Variants in DLG2 observed in about 807,000 individuals in gnomAD.
DLG2 encodes the protein disks large homolog 2.
Under a neutral mutation model 132.5 loss-of-function variants are expected in DLG2, and 45 were observed. That is an observed-to-expected ratio of 0.34 (90% CI 0.27 to 0.44). The LOEUF (loss-of-function observed/expected upper bound fraction) is 0.44. Among genes scored for constraint, DLG2 ranks in the 20% least tolerant of loss-of-function variants. The pLI, the probability that DLG2 is intolerant of heterozygous loss-of-function variation, is 1.00. For missense variants in DLG2, 1,045 were observed against 1,196.9 expected (o/e 0.87, Z 1.87); for synonymous variants, 424 against 419.6 (o/e 1.01, Z -0.13).
At position 85,250,917 on chromosome 11, in the gene DLG2, C is replaced by T. The variant is rs552220275; in HGVS notation, c.186+34303G>A. Among the ~76,000 whole-genome samples, 4 of 152,262 alleles carry T rather than the reference C, an allele frequency of 2.6e-5. No homozygotes were observed. In the South Asian group the frequency reaches 8.3e-4, roughly 32 times the overall value. ...TTATTGTGTATTTTTATTCTGACTTCTCCTCCATTATATTTTCCTTGTACA... is the reference window on the plus strand; with the variant it reads ...TTATTGTGTATTTTTATTCTGACTTTTCCTCCATTATATTTTCCTTGTACA... On this transcript the variant is annotated intron_variant, in intron 4 of 27. Transcript: ENST00000376104.
chr11:85,105,607 T>C (rs978893444), intron 6 of DLG2, among the ~76,000 whole-genome samples: 1 of 151,992 alleles, frequency 6.6e-6, no homozygotes, highest in African/African-American at 2.4e-5. Flanking sequence ...CTAATCCCAC[T>C]GCCCACCAAT....
intron 3 of DLG2, chr11:85,452,219 C>T (rs1485314702): frequency 6.6e-6 from 1 of 151,372 alleles, no homozygotes; most frequent in Non-Finnish European, 1.5e-5. Flanking sequence ...GAAAAACAAA[C>T]ATCTTGGGAA....
At chr11:84,504,273 T>C (rs967987852) in intron 7 of DLG2, among the ~76,000 whole-genome samples, 3 of 152,146 alleles carry the variant, frequency 2.0e-5, no homozygotes, top group Non-Finnish European at 4.4e-5. Context: ...AGGGGTGAAA[T>C]GTTTCAACAA....
At chr11:84,677,529 G>A (rs1009516261) in intron 6 of DLG2, among the ~76,000 whole-genome samples, 5 of 151,998 alleles carry the variant, frequency 3.3e-5, no homozygotes, top group African/African-American at 1.2e-4. Context: ...GAATAGCCCT[G>A]CACAGAATCA....
At chr11:85,410,005 T>C (rs2089168137) in intron 3 of DLG2, among the ~76,000 whole-genome samples, 2 of 152,024 alleles carry the variant, frequency 1.3e-5, no homozygotes, top group South Asian at 4.1e-4. Context: ...ATGTTTACAG[T>C]GGTGGGTCCA....
chr11:83,490,980 T>C (rs546085497), intron 21 of DLG2, among the ~76,000 whole-genome samples: 1 of 152,096 alleles, frequency 6.6e-6, no homozygotes, highest in South Asian at 2.1e-4. Flanking sequence ...AGGTAAAATA[T>C]ATTCATAATT....
At chr11:85,554,650 A>C (rs1462222786) in intron 3 of DLG2, among the ~76,000 whole-genome samples, 1 of 151,910 alleles carries the variant, frequency 6.6e-6, no homozygotes, top group Non-Finnish European at 1.5e-5. Context: ...TGTAAAACTA[A>C]TGAAAGCCCA....
intron 6 of DLG2, among the ~76,000 whole-genome samples, chr11:84,766,743 G>T (rs535126976): frequency 4.6e-5 from 7 of 152,112 alleles, no homozygotes; most frequent in African/African-American, 1.7e-4. Context: ...AATTAGTAGG[G>T]GAGGAAAGAT....
At chr11:84,800,077 A>G (rs982399441) in intron 6 of DLG2, among the ~76,000 whole-genome samples, 3 of 152,200 alleles carry the variant, frequency 2.0e-5, no homozygotes, top group Non-Finnish European at 4.4e-5. Flanking sequence ...TGGATATCAA[A>G]GGATCAGGTT....
intron 15 of DLG2, among the ~76,000 whole-genome samples, chr11:83,876,617 T>C (rs1213840728): frequency 6.6e-6 from 1 of 152,098 alleles, no homozygotes; most frequent in African/African-American, 2.4e-5. Context: ...CTAAGGTAGA[T>C]ATAAGTATTC....
At chr11:83,885,142 C>A (rs190212258) in intron 15 of DLG2, among the ~76,000 whole-genome samples, 3 of 152,166 alleles carry the variant, frequency 2.0e-5, no homozygotes, top group Admixed American at 2.0e-4. Context: ...GAGCATCAAA[C>A]TACTCCAAGC....
At chr11:84,529,116 A>G (rs1476604925) in intron 7 of DLG2, among the ~76,000 whole-genome samples, 1 of 152,160 alleles carries the variant, frequency 6.6e-6, no homozygotes. Context: ...ATTGGTGTTG[A>G]AGGAGAGATA....
In DLG2 at chr11:85,583,060, AT is replaced by A. The variant is rs1565716932; in HGVS notation, c.40+15596del. ...CTAGAAACCAGGGGAAAAAAAAAAT[AT>A]ATATATATATATATATAATATATGT... On this transcript the variant is annotated intron_variant, in intron 3 of 27. Transcript: ENST00000376104. Among the ~76,000 whole-genome samples, 54 of 78,248 alleles carry A rather than the reference AT, an allele frequency of 6.9e-4. No individual in the cohort carries two copies. The East Asian group carries it at 8.4e-3, about 12-fold the overall frequency. The allele number at this position is 78,248 out of a possible 152,430, so 51.3% of individuals were successfully genotyped here. A position where few individuals can be genotyped will look rare whatever the true frequency, so the allele number is the denominator to read the frequency against.
chr11:84,048,201 G>T (rs12285610), intron 11 of DLG2, among the ~76,000 whole-genome samples: 1 of 151,246 alleles, frequency 6.6e-6, no homozygotes, highest in Non-Finnish European at 1.5e-5. Flanking sequence ...ACAGGAGAGC[G>T]GTAATTTAGC....
At chr11:85,436,167 G>T (rs567584697) in intron 3 of DLG2, among the ~76,000 whole-genome samples, 2 of 152,126 alleles carry the variant, frequency 1.3e-5, no homozygotes, top group East Asian at 3.9e-4. Flanking sequence ...ACTCAAGATG[G>T]ATTAAAGACT....
At chr11:83,533,424 C>G (rs1228208018) in intron 20 of DLG2, among the ~76,000 whole-genome samples, 1 of 152,120 alleles carries the variant, frequency 6.6e-6, no homozygotes, top group Non-Finnish European at 1.5e-5. Context: ...GAATTCTTAG[C>G]AAGAATGAAT....
intron 12 of DLG2, among the ~76,000 whole-genome samples, chr11:83,973,201 T>G (rs961595658): frequency 6.6e-6 from 1 of 152,082 alleles, no homozygotes; most frequent in Non-Finnish European, 1.5e-5. Flanking sequence ...TATATGTAAT[T>G]TAGAGTAGAG....
At chr11:83,892,619 T>G (rs1377242424) in intron 15 of DLG2, among the ~76,000 whole-genome samples, 1 of 152,116 alleles carries the variant, frequency 6.6e-6, no homozygotes. Flanking sequence ...GTGAGAGGAT[T>G]TGAAAGGGCA....
At chr11:83,940,872 G>T (rs1361527481) in intron 14 of DLG2, among the ~76,000 whole-genome samples, 2 of 152,154 alleles carry the variant, frequency 1.3e-5, no homozygotes, top group Admixed American at 6.6e-5. Context: ...ACGAAATGAT[G>T]CATGAATAGC....
Sources: allele counts gnomAD v4.1 joint callset (sites outside exome capture counted in the v4.1 genomes callset), GRCh38; gene constraint gnomAD v4.1.1; transcripts MANE v1.5; gene names NCBI Gene and HGNC (gene_info 2026-07-23, HGNC 2026-07-21).